Variants in COL9A2 observed in about 807,000 individuals in gnomAD.
COL9A2 encodes the protein collagen alpha-2(IX) chain.
COL9A2 carries 66 observed loss-of-function variants against 111.6 expected under a neutral mutation model. That is an observed-to-expected ratio of 0.59 (90% CI 0.48 to 0.73). COL9A2 has a LOEUF of 0.73. COL9A2 is among the 30% of genes least tolerant of loss of function. COL9A2 has a pLI of 0.00. For synonymous variants in COL9A2, 353 were observed against 364.1 expected (o/e 0.97, Z 0.35); for missense variants, 881 against 954.1 (o/e 0.92, Z 1.01).
In COL9A2 at chr1:40,314,426, C is replaced by G; in HGVS notation, c.151-39G>C. 10 of 1,614,024 alleles carry G rather than the reference C, an allele frequency of 6.2e-6. No individual in the cohort carries two copies. The highest frequency in any genetic ancestry group is 7.6e-6 in the Non-Finnish European group (9 of 1,179,876). ...GTTGGTGAGACAGCACACTACGGCT[C>G]ACACTACCCCAAGTGGGCACACACA... On this transcript the variant is annotated intron_variant, in intron 2 of 31. Transcript: ENST00000372748. This position sits in a 1 kb window ranked among gnomAD's most constrained non-coding sequence, Gnocchi z 4.1.
chr1:40,303,449 T>A lies in COL9A2; in HGVS notation c.1548+81A>T. 6.4e-7 allele frequency: 1 copy of A among 1,573,158 alleles called. No individual in the cohort carries two copies. Among genetic ancestry groups the A allele is most frequent in the Admixed American group, 1.7e-5 (1 of 57,368 alleles). Reference sequence around the variant, plus strand: ...GGGGAAGTCGGTGAGTCTCTGGGAATCCCTAGCCTTTGGCGGGTAAGCCGC... The same window carrying A: ...GGGGAAGTCGGTGAGTCTCTGGGAAACCCTAGCCTTTGGCGGGTAAGCCGC... On this transcript the variant is annotated intron_variant, in intron 28 of 31. Coordinates refer to ENST00000372748, the MANE Select transcript of COL9A2 (RefSeq NM_001852.4). The surrounding 1 kb of genome is among the most constrained non-coding windows in gnomAD (Gnocchi z 4.6).
rs1272512619 is a variant in COL9A2 at position 40,303,722 on chromosome 1, C to G, written c.1402-46G>C. ...GAGCAGAGCCGGGTGAGAAGGCGCC[C>G]GGGTGGGCGAGAGTGGGGGGTGGGG... On this transcript the variant is annotated intron_variant, in intron 27 of 31. Transcript: ENST00000372748. This position sits in a 1 kb window ranked among gnomAD's most constrained non-coding sequence, Gnocchi z 4.6. The G allele has an allele frequency of 2.5e-6, 2 of 809,920 alleles. No individual in the cohort carries two copies. The highest frequency in any genetic ancestry group is 3.5e-6 in the Non-Finnish European group (2 of 577,546). 50.2% of individuals were successfully genotyped at this position (809,920 alleles called of 1,614,324 possible).
intron 16 of COL9A2, 61 bp downstream of exon 16, chr1:40,309,877 C>G (rs941130879): frequency 1.3e-6 from 2 of 1,564,670 alleles, no homozygotes; most frequent in African/African-American, 2.7e-5. Flanking sequence ...TTAGGGGGTG[C>G]CTTGTCCTGC....
intron 17 of COL9A2, 95 bp downstream of exon 17, chr1:40,308,097 T>C (rs2124074022): frequency 7.9e-7 from 1 of 1,273,046 alleles, no homozygotes; most frequent in Non-Finnish European, 1.1e-6. Flanking sequence ...AGTTGCAGAG[T>C]TCAGACTAGC....
chr1:40,313,411 T>G (rs1176237866), intron 4 of COL9A2, among the ~76,000 whole-genome samples: 1 of 152,172 alleles, frequency 6.6e-6, no homozygotes, highest in Non-Finnish European at 1.5e-5. Flanking sequence ...TCAAGTAATC[T>G]GCCCACCTCG....
Position 40,304,052 on chromosome 1 carries a change from G to T in COL9A2, c.1323+12C>A. ...GTTGGGGGTCGCTGGGAACAGGGGTGCTGGAACTCACCACTTTGCCGCGGG... is the reference window on the plus strand; with the variant it reads ...GTTGGGGGTCGCTGGGAACAGGGGTTCTGGAACTCACCACTTTGCCGCGGG... On this transcript the variant is annotated intron_variant, in intron 25 of 31. Transcript: ENST00000372748. 6.3e-7 allele frequency: 1 copy of T among 1,579,530 alleles called. No homozygotes were observed. Among genetic ancestry groups the T allele is most frequent in the South Asian group, 1.2e-5 (1 of 86,414 alleles).
Position 40,311,683 on chromosome 1 carries a change from G to C in COL9A2, c.450C>G (p.Pro150=), listed in dbSNP as rs1644130658. 1 of 1,613,986 alleles carries C rather than the reference G, an allele frequency of 6.2e-7. No homozygotes were observed. The highest frequency in any genetic ancestry group is 1.7e-5 in the Admixed American group (1 of 60,008). Reference sequence around the variant, plus strand: ...TTACAGGTTTCCCAGGGGGTCCTGGGGGCCCCGATGGTCCATCTGGTCCAG... The same window carrying C: ...TTACAGGTTTCCCAGGGGGTCCTGGCGGCCCCGATGGTCCATCTGGTCCAG... ...GDPGPDGPSG[P]PGPPGKPGRP... The change falls in exon 9 of 32, where the codon CCC becomes CCG. Residue 150 remains proline (P), a synonymous_variant. Transcript: ENST00000372748. The surrounding 1 kb of genome is among the most constrained non-coding windows in gnomAD (Gnocchi z 5.1).
At chr1:40,301,511 A>T in intron 31 of COL9A2, 130 bp from the exon 32 acceptor site, 1 of 779,390 alleles carries the variant, frequency 1.3e-6, no homozygotes, top group South Asian at 1.9e-5. Flanking sequence ...TCTGCCCCAG[A>T]GGCAGAGATT....
In COL9A2 at chr1:40,311,273, C is replaced by T. The variant is rs1644119972; in HGVS notation, c.533G>A (p.Cys178Tyr). ...GSADFLCPTN[C>Y]PPGMKGPPGL... Reference sequence around the variant, plus strand: ...TGGGGGACCTTTCATTCCGGGTGGACAGTTGGTTGGACACTGGAAACAGAA... The same window carrying T: ...TGGGGGACCTTTCATTCCGGGTGGATAGTTGGTTGGACACTGGAAACAGAA... Residue 178 changes from cysteine (C) to tyrosine (Y), a missense_variant, in exon 11 of 32, where the codon TGT becomes TAT. By Grantham distance (194) the Cys-to-Tyr change is radical. Coordinates refer to ENST00000372748, the MANE Select transcript of COL9A2 (RefSeq NM_001852.4). The surrounding 1 kb of genome is among the most constrained non-coding windows in gnomAD (Gnocchi z 5.1). 6.2e-7 allele frequency: 1 copy of T among 1,613,988 alleles called. No homozygotes were observed. Among genetic ancestry groups the T allele is most frequent in the Admixed American group, 1.7e-5 (1 of 60,008 alleles).
chr1:40,303,003 AGACTG>A lies in COL9A2; in HGVS notation c.1603+123_1603+127del. 8.8e-7 allele frequency: 1 copy of A among 1,135,486 alleles called. No individual in the cohort carries two copies. 70.3% of individuals were successfully genotyped at this position (1,135,486 alleles called of 1,614,324 possible). A position where few individuals can be genotyped will look rare whatever the true frequency, so the allele number is the denominator to read the frequency against. Reference sequence around the variant, plus strand: ...TATTCAAGGTCCCAAAACCCTTCAGAGACTGGACTGGAAGGAGCCCCCAGGACTCC... The same window carrying A: ...TATTCAAGGTCCCAAAACCCTTCAGAGACTGGAAGGAGCCCCCAGGACTCC... On this transcript the variant is annotated intron_variant, in intron 29 of 31. Transcript: ENST00000372748. The surrounding 1 kb of genome is among the most constrained non-coding windows in gnomAD (Gnocchi z 4.6).
rs554314188 is a variant in COL9A2 at position 40,311,238 on chromosome 1, C to A, written c.568G>T (p.Gly190Ter). ...PGMKGPPGLQ[G>*]VKGHAGKRGI... is the part of the protein sequence containing the mutation. ...AGGCCAGGAGCTCTCACCTTCACTC[C>A]CTGCAGCCCTGGGGGACCTTTCATT... Residue 190 changes from glycine to a stop codon, truncating the protein, a stop_gained, in exon 11 of 32, where the codon GGA becomes TGA. Transcript: ENST00000372748. LOFTEE classifies it high-confidence loss of function. The surrounding 1 kb of genome is among the most constrained non-coding windows in gnomAD (Gnocchi z 5.1). 1 of 1,614,214 alleles carries A rather than the reference C, an allele frequency of 6.2e-7. No individual in the cohort carries two copies. The highest frequency in any genetic ancestry group is 1.3e-5 in the African/African-American group (1 of 75,060).
Position 40,314,352 on chromosome 1 carries a change from C to T in COL9A2, c.186G>A (p.Pro62=), listed in dbSNP as rs1085307973. The change falls in exon 3 of 32, where the codon CCG becomes CCA. Residue 62 remains proline (P), a splice_region_variant and synonymous_variant. Transcript: ENST00000372748. This position sits in a 1 kb window ranked among gnomAD's most constrained non-coding sequence, Gnocchi z 4.1. The stretch of plus-strand genomic sequence containing the variant: ...AGGCCAAAGAGGATAAAGCACTCAC[C>T]GGAGGGCCAGCTTTTCCAGGGGGCC... ...DNGPPGKAGP[P]GPKGEPGKAG... 2.5e-6 allele frequency: 4 copies of T among 1,614,156 alleles called. No homozygotes were observed. Among genetic ancestry groups the T allele is most frequent in the Admixed American group, 3.3e-5 (2 of 60,012 alleles).
intron 21 of COL9A2, chr1:40,305,071 T>C: frequency 2.4e-6 from 1 of 425,434 alleles, no homozygotes; most frequent in African/African-American, 2.2e-5. Flanking sequence ...CTTTTTTTTT[T>C]TTTTTTTTTT....
Position 40,304,477 on chromosome 1 carries a change from T to A in COL9A2, c.1214A>T (p.Gln405Leu). The A allele has an allele frequency of 6.2e-7, 1 of 1,614,172 alleles. No individual in the cohort carries two copies. Among genetic ancestry groups the A allele is most frequent in the South Asian group, 1.1e-5 (1 of 91,084 alleles). ...PVGQPGPQGR[Q>L]GPKGEQGPPG... ...CCACCTTAGCTGGCCTGCACTCACC[T>A]GCCTTCCCTGAGGGCCTGGTTGCCC... The change falls in exon 23 of 32, where the codon CAG (glutamine) becomes CTG (leucine). Residue 405 changes from glutamine to leucine, a missense_variant and splice_region_variant. By Grantham distance (113) the Gln-to-Leu change is moderately radical. Coordinates refer to ENST00000372748, the MANE Select transcript of COL9A2 (RefSeq NM_001852.4).
rs756499724 is a variant in COL9A2, at chr1:40,303,725, G to A, written c.1402-49C>T. 3 of 1,543,030 alleles carry A rather than the reference G, an allele frequency of 1.9e-6. No individual in the cohort carries two copies. Among genetic ancestry groups the A allele is most frequent in the Middle Eastern group, 2.2e-4 (1 of 4,614 alleles). On this transcript the variant is annotated intron_variant, in intron 27 of 31. Transcript: ENST00000372748. The surrounding 1 kb of genome is among the most constrained non-coding windows in gnomAD (Gnocchi z 4.6). ...CAGAGCCGGGTGAGAAGGCGCCCGG[G>A]TGGGCGAGAGTGGGGGGTGGGGGTC... is the stretch of plus-strand genomic sequence containing the variant.
In COL9A2 at chr1:40,301,961, C is replaced by A. The variant is rs1427480915; in HGVS notation, c.1793-72G>T. 3.5e-6 allele frequency: 5 copies of A among 1,435,806 alleles called. No homozygotes were observed. In the East Asian group the frequency reaches 7.3e-5, roughly 21 times the overall value. 88.9% of individuals were successfully genotyped at this position (1,435,806 alleles called of 1,614,324 possible). A position where few individuals can be genotyped will look rare whatever the true frequency, so the allele number is the denominator to read the frequency against. ...TTTTCCTCTATTTTTTGCTATGTTT[C>A]ACGCAAAGAAATTATTCCTGTTTTG... On this transcript the variant is annotated intron_variant, in intron 30 of 31. Transcript: ENST00000372748.
Position 40,311,245 on chromosome 1 carries a change from C to A in COL9A2, c.561G>T (p.Gly187=). ...GAGCTCTCACCTTCACTCCCTGCAG[C>A]CCTGGGGGACCTTTCATTCCGGGTG... The part of the protein sequence containing the change: ...NCPPGMKGPP[G]LQGVKGHAGK... The change falls in exon 11 of 32, where the codon GGG becomes GGT. Residue 187 remains glycine, a synonymous_variant. Coordinates refer to ENST00000372748, the MANE Select transcript of COL9A2 (RefSeq NM_001852.4). The surrounding 1 kb of genome is among the most constrained non-coding windows in gnomAD (Gnocchi z 5.1). 1 of 1,614,186 alleles carries A rather than the reference C, an allele frequency of 6.2e-7. No homozygotes were observed. Among genetic ancestry groups the A allele is most frequent in the Non-Finnish European group, 8.5e-7 (1 of 1,180,022 alleles).
At position 40,304,665 on chromosome 1, in the gene COL9A2, A is replaced by T. The variant is rs1643995209; in HGVS notation, c.1161+129T>A. On this transcript the variant is annotated intron_variant, in intron 22 of 31. Coordinates refer to ENST00000372748, the MANE Select transcript of COL9A2 (RefSeq NM_001852.4). ...GCAGGGGGTCCTTTCTCCACTTGGC[A>T]GACCAGCAAAGCAAACCTAGGCCCT... is the stretch of plus-strand genomic sequence containing the variant. 7 of 1,386,006 alleles carry T rather than the reference A, an allele frequency of 5.1e-6. 1 individual carries two copies. The Admixed American group carries it at 1.4e-4, about 27-fold the overall frequency. The allele number at this position is 1,386,006 out of a possible 1,614,324, so 85.9% of individuals were successfully genotyped here. A position where few individuals can be genotyped will look rare whatever the true frequency, so the allele number is the denominator to read the frequency against.
rs1030052993 is a variant in COL9A2, at chr1:40,310,333, A to G, written c.685-16T>C. 6.2e-7 allele frequency: 1 copy of G among 1,613,734 alleles called. No homozygotes were observed. The highest frequency in any genetic ancestry group is 2.2e-5 in the East Asian group (1 of 44,846). Reference sequence around the variant, plus strand: ...CCTGGGGACCCTGTTGAGAAAGAAAAATGACAGCAATGGCAATTGCAAGGC... The same window carrying G: ...CCTGGGGACCCTGTTGAGAAAGAAAGATGACAGCAATGGCAATTGCAAGGC... On this transcript the variant is annotated splice_polypyrimidine_tract_variant and intron_variant, in intron 13 of 31. Transcript: ENST00000372748. The surrounding 1 kb of genome is among the most constrained non-coding windows in gnomAD (Gnocchi z 4.9).
Sources: gnomAD v4.1 joint callset for allele counts (sites outside exome capture counted in the v4.1 genomes callset) on GRCh38, gnomAD v4.1.1 for gene constraint, Gnocchi (gnomAD v3.1) non-coding constraint, MANE v1.5 for transcripts, NCBI Gene and HGNC (gene_info 2026-07-23, HGNC 2026-07-21) for gene names.